Variants in XRCC4 observed in about 807,000 individuals in gnomAD.
The protein encoded by XRCC4 is X-ray repair cross complementing 4.
A neutral mutation model predicts 39.1 loss-of-function variants in XRCC4; 28 were observed. The ratio of observed to expected loss-of-function variants is 0.72; its 90% CI spans 0.53 to 0.98. The LOEUF (loss-of-function observed/expected upper bound fraction) is 0.98, where lower values mean the gene tolerates loss of function less well. Among genes scored for constraint, XRCC4 ranks in the 50% least tolerant of loss-of-function variants. The pLI is 0.00. For synonymous variants in XRCC4, 123 were observed against 126.4 expected, an observed-to-expected ratio of 0.97 and a Z score of 0.18; for missense variants, 350 against 376.4, an observed-to-expected ratio of 0.93 and a Z score of 0.58.
intron 7 of XRCC4, among the ~76,000 whole-genome samples, chr5:83,263,839 CTTTAG>C (rs1191268430): frequency 6.6e-6 from 1 of 151,412 alleles, no homozygotes; most frequent in Non-Finnish European, 1.5e-5. Context: ...TGCAGAAGCT[CTTTAG>C]TTTAATTAGA....
At chr5:83,119,227 T>C (rs919682127) in intron 3 of XRCC4, among the ~76,000 whole-genome samples, 2 of 152,202 alleles carry the variant, frequency 1.3e-5, no homozygotes, top group African/African-American at 4.8e-5. Flanking sequence ...GTAGCATTTA[T>C]TGTGTATTCT....
At chr5:83,293,562 G>C (rs1269205459) in intron 7 of XRCC4, among the ~76,000 whole-genome samples, 1 of 151,768 alleles carries the variant, frequency 6.6e-6, no homozygotes, top group African/African-American at 2.4e-5. Flanking sequence ...GAAATCATGA[G>C]AACAATCTCT....
chr5:83,121,958 G>T (rs1029332029), intron 3 of XRCC4, among the ~76,000 whole-genome samples: 1 of 151,972 alleles, frequency 6.6e-6, no homozygotes, highest in Non-Finnish European at 1.5e-5. Flanking sequence ...AATTTTTCTT[G>T]CACTTTGTTG....
chr5:83,225,977 G>T (rs1175780767), intron 6 of XRCC4, among the ~76,000 whole-genome samples: 1 of 151,928 alleles, frequency 6.6e-6, no homozygotes, highest in African/African-American at 2.4e-5. Flanking sequence ...TCTGCAGATA[G>T]CTCTAAAAAC....
intron 7 of XRCC4, among the ~76,000 whole-genome samples, chr5:83,292,301 G>T (rs889852524): frequency 7.9e-5 from 12 of 151,780 alleles, no homozygotes; most frequent in African/African-American, 2.7e-4. Context: ...CCCTTTTACT[G>T]CAGTGTTTCA....
intron 6 of XRCC4, among the ~76,000 whole-genome samples, chr5:83,220,063 C>T (rs1458575832): frequency 6.6e-6 from 1 of 151,990 alleles, no homozygotes; most frequent in Non-Finnish European, 1.5e-5. Context: ...TGAGATCTAA[C>T]GACCCATGTA....
At chr5:83,156,282 TA>T (rs1748957167) in intron 3 of XRCC4, among the ~76,000 whole-genome samples, 3 of 125,192 alleles carry the variant, frequency 2.4e-5, no homozygotes, top group South Asian at 5.2e-4. Flanking sequence ...TTTGCCTAAG[TA>T]TTTTTTTTTT....
At chr5:83,202,591 A>C (rs1159636650) in intron 4 of XRCC4, among the ~76,000 whole-genome samples, 1 of 152,170 alleles carries the variant, frequency 6.6e-6, no homozygotes, top group Non-Finnish European at 1.5e-5. Context: ...ATATATGTAC[A>C]CACACATATA....
chr5:83,270,466 C>A (rs1392223444), intron 7 of XRCC4, among the ~76,000 whole-genome samples: 1 of 152,164 alleles, frequency 6.6e-6, no homozygotes, highest in African/African-American at 2.4e-5. Context: ...CTGCCACTAA[C>A]CTAGTCTAAG....
intron 3 of XRCC4, among the ~76,000 whole-genome samples, chr5:83,136,241 C>G (rs148032235): frequency 5.3e-4 from 80 of 152,262 alleles, no homozygotes; most frequent in African/African-American, 1.7e-3. Flanking sequence ...AATACATCAT[C>G]TTGTCTTTAG....
chr5:83,220,101 ATTTTTACC>A (rs1752023375), intron 6 of XRCC4, among the ~76,000 whole-genome samples: 1 of 152,120 alleles, frequency 6.6e-6, no homozygotes, highest in Non-Finnish European at 1.5e-5. Flanking sequence ...ATAATTGAGT[ATTTTTACC>A]TAAGAAAGGC....
chr5:83,261,757 T>G (rs1239551445), intron 7 of XRCC4, among the ~76,000 whole-genome samples: 2 of 151,896 alleles, frequency 1.3e-5, no homozygotes. Flanking sequence ...ATTTAACTCT[T>G]CACCACTTTC....
At chr5:83,254,184 G>A (rs933189650) in intron 6 of XRCC4, among the ~76,000 whole-genome samples, 2 of 148,692 alleles carry the variant, frequency 1.3e-5, no homozygotes, top group Non-Finnish European at 3.0e-5. Context: ...ATTAAACACT[G>A]AGAATTCTGG....
At position 83,278,559 on chromosome 5, in the gene XRCC4, TC is replaced by T. The variant is rs775133118; in HGVS notation, c.893+19885del. Among the ~76,000 whole-genome samples the T allele has an allele frequency of 7.2e-5, 11 of 152,314 alleles. No individual in the cohort carries two copies. In the East Asian group the frequency reaches 2.1e-3, roughly 29 times the overall value. ...GTTAAAAAAGACAAATGCTATGTCT[TC>T]CCATGATGGAAGGCAGCAGCGCAAA... is the stretch of plus-strand genomic sequence containing the variant. On this transcript the variant is annotated intron_variant, in intron 7 of 7. Transcript: ENST00000396027.
intron 7 of XRCC4, among the ~76,000 whole-genome samples, chr5:83,338,313 C>T (rs10514255): frequency 2.0e-5 from 3 of 152,048 alleles, no homozygotes; most frequent in Non-Finnish European, 4.4e-5. Context: ...ATACATAGTT[C>T]GGATGACAGA....
intron 6 of XRCC4, among the ~76,000 whole-genome samples, chr5:83,240,536 T>G (rs1365214661): frequency 6.6e-6 from 1 of 152,204 alleles, no homozygotes; most frequent in African/African-American, 2.4e-5. Context: ...GGTTTCTAGC[T>G]TAAACTAATA....
intron 6 of XRCC4, among the ~76,000 whole-genome samples, chr5:83,244,748 A>C (rs1167948164): frequency 6.6e-6 from 1 of 152,186 alleles, no homozygotes; most frequent in Non-Finnish European, 1.5e-5. Context: ...AAAGTACAGC[A>C]GGTAGAAAGA....
At chr5:83,206,583 A>C (rs1014175010) in intron 6 of XRCC4, among the ~76,000 whole-genome samples, 1 of 152,152 alleles carries the variant, frequency 6.6e-6, no homozygotes, top group South Asian at 2.1e-4. Flanking sequence ...GACAGGCAAT[A>C]CTTTCAACAA....
At chr5:83,079,509 A>T (rs1744837653) in intron 1 of XRCC4, among the ~76,000 whole-genome samples, 1 of 152,136 alleles carries the variant, frequency 6.6e-6, no homozygotes, top group South Asian at 2.1e-4. Context: ...TGTCTGTGTT[A>T]TTCCTTTGTT....
Sources: allele counts gnomAD v4.1 joint callset (sites outside exome capture counted in the v4.1 genomes callset), GRCh38; gene constraint gnomAD v4.1.1; transcripts MANE v1.5; gene names NCBI Gene and HGNC (gene_info 2026-07-23, HGNC 2026-07-21).